Variants in ASAH1 observed in about 807,000 individuals in gnomAD.
The protein encoded by ASAH1 is N-acylsphingosine amidohydrolase 1.
ASAH1 carries 70 observed loss-of-function variants against 59.5 expected under a neutral mutation model. The observed-to-expected ratio is 1.18, with a 90% CI of 0.97 to 1.43. The LOEUF is 1.43. Ranked by LOEUF, ASAH1 falls within the 40% of genes most tolerant of loss-of-function variation. The probability of loss-of-function intolerance (pLI) is 0.00; values close to 1 mark genes in which losing one functional copy is unlikely to be tolerated. For synonymous variants in ASAH1, 213 were observed against 166.5 expected, an observed-to-expected ratio of 1.28 and a Z score of -2.15; for missense variants, 660 against 482.5, an observed-to-expected ratio of 1.37 and a Z score of -3.45.
Position 18,067,264 on chromosome 8 carries a change from T to A in ASAH1, c.338A>T (p.Glu113Val). 1.2e-6 allele frequency: 2 copies of A among 1,606,984 alleles called. No individual in the cohort carries two copies. The highest frequency in any genetic ancestry group is 1.7e-6 in the Non-Finnish European group (2 of 1,176,414). Residue 113 changes from glutamate to valine, a missense_variant, in exon 5 of 14, where the codon GAA becomes GTA. Physicochemically the swap from Glu to Val is moderately radical, Grantham distance 121 (BLOSUM62 -2). Coordinates refer to ENST00000637790, the MANE Select transcript of ASAH1 (RefSeq NM_177924.5). ...GLLGNFPGPF[E>V]EEMKGIAAVT... ...AGCGGCAATACCCTTCATTTCCTCT[T>A]CAAAAGGGCCAGGAAAGTTGCCAAG...
At chr8:18,084,797 T>G (rs1223584359), upstream of ASAH1, 1 of 1,613,208 alleles carries the variant, frequency 6.2e-7, no homozygotes, top group East Asian at 2.2e-5. Flanking sequence ...GATGCAGCAG[T>G]TCATTAAGCG....
intron 1 of ASAH1, 134 bp downstream of exon 1, chr8:18,083,847 G>A (rs1422545064): frequency 2.0e-6 from 3 of 1,505,978 alleles, no homozygotes; most frequent in South Asian, 1.3e-5. Context: ...CCCTGTGCAC[G>A]AAACCACAGA....
rs939418633 is a variant in ASAH1 at position 18,069,796 on chromosome 8, T to A, written c.299A>T (p.Lys100Ile). 6.4e-7 allele frequency: 1 copy of A among 1,566,698 alleles called. No homozygotes were observed. The highest frequency in any genetic ancestry group is 8.8e-7 in the Non-Finnish European group (1 of 1,138,052). ...GTGAGAAATAATATCTCTTACCAAT[T>A]TTTCATCCACCACCTGCATAATTTT... ...SGKIMQVVDE[K>I]LPGLLGNFPG... Residue 100 changes from lysine to isoleucine, a missense_variant, in exon 4 of 14, where the codon AAA becomes ATA. Lys to Ile is a moderately radical substitution (Grantham distance 102, BLOSUM62 -3). Coordinates refer to ENST00000637790, the MANE Select transcript of ASAH1 (RefSeq NM_177924.5).
At chr8:18,060,492 A>G (rs1207169416) in intron 10 of ASAH1, 1 of 152,334 alleles carries the variant, frequency 6.6e-6, no homozygotes, top group Admixed American at 6.5e-5. Flanking sequence ...AAGGGAAATA[A>G]TATTACAGTA....
intron 5 of ASAH1, chr8:18,066,917 C>T (rs1050646718): frequency 8.4e-6 from 3 of 358,732 alleles, no homozygotes; most frequent in African/African-American, 4.1e-5. Context: ...ACAAAGTTCA[C>T]GAAGAGGCAA....
Position 18,059,815 on chromosome 8 carries a change from A to C in ASAH1, c.786-112T>G, listed in dbSNP as rs182638015. 5 of 1,136,444 alleles carry C rather than the reference A, an allele frequency of 4.4e-6. No homozygotes were observed. The Admixed American group carries it at 9.2e-5, about 21-fold the overall frequency. 70.4% of individuals were successfully genotyped at this position (1,136,444 alleles called of 1,614,324 possible). A position where few individuals can be genotyped will look rare whatever the true frequency, so the allele number is the denominator to read the frequency against. Reference sequence around the variant, plus strand: ...TCTGGGACACATGTGCTGAACGTGCAGGTTTGTTACATAGGTACACACGTG... The same window carrying C: ...TCTGGGACACATGTGCTGAACGTGCCGGTTTGTTACATAGGTACACACGTG... On this transcript the variant is annotated intron_variant, in intron 10 of 13. Coordinates refer to ENST00000637790, the MANE Select transcript of ASAH1 (RefSeq NM_177924.5).
chr8:18,067,192 T>C (rs754660997), intron 5 of ASAH1, 28 bp downstream of exon 5: 3 of 1,479,282 alleles, frequency 2.0e-6, no homozygotes, highest in African/African-American at 1.5e-5. Flanking sequence ...AATTACTTTT[T>C]TTTTTAAAGC....
chr8:18,077,342 TCC>T (rs1445456050), intron 1 of ASAH1, among the ~76,000 whole-genome samples: 1 of 152,242 alleles, frequency 6.6e-6, no homozygotes, highest in Non-Finnish European at 1.5e-5. Context: ...TTTGCTCAAC[TCC>T]GCCTTTTTCT....
At chr8:18,071,745 G>C (rs1339950078) in intron 2 of ASAH1, among the ~76,000 whole-genome samples, 1 of 152,026 alleles carries the variant, frequency 6.6e-6, no homozygotes, top group Non-Finnish European at 1.5e-5. Context: ...TTTAGTCTGG[G>C]CTCTAGACAA....
chr8:18,068,923 G>A (rs2517365), intron 4 of ASAH1, among the ~76,000 whole-genome samples: 9,889 of 152,148 alleles, frequency 0.065, 374 homozygotes, highest in Admixed American at 0.1. Flanking sequence ...AAGATCGCCT[G>A]AGCCCAGGAG....
chr8:18,060,140 T>C (rs557023199), intron 10 of ASAH1: 1 of 176,942 alleles, frequency 5.7e-6, no homozygotes, highest in African/African-American at 2.4e-5. Flanking sequence ...AAAACAAGTA[T>C]CTAAGGAATG....
chr8:18,062,360 C>G lies in ASAH1; in HGVS notation c.567G>C (p.Leu189Phe). 6.2e-7 allele frequency: 1 copy of G among 1,614,110 alleles called. No individual in the cohort carries two copies. The highest frequency in any genetic ancestry group is 8.5e-7 in the Non-Finnish European group (1 of 1,180,016). Residue 189 changes from leucine (L) to phenylalanine (F), a missense_variant, in exon 8 of 14, where the codon TTG (leucine) becomes TTC (phenylalanine). Physicochemically the swap from Leu to Phe is conservative, Grantham distance 22. Coordinates refer to ENST00000637790, the MANE Select transcript of ASAH1 (RefSeq NM_177924.5). ...CAGTTTTGTTGTTTCTTTGGAAATC[C>G]AAATTCACTGTTAAAGGTTTTAGTT... ...TEQLKPLTVN[L>F]DFQRNNKTVF... is the part of the protein sequence containing the mutation.
In ASAH1 at chr8:18,070,125, T is replaced by C. The variant is rs35855663; in HGVS notation, c.217-247A>G. Among the ~76,000 whole-genome samples, 65,316 of 150,212 alleles carry C rather than the reference T, an allele frequency of 0.43. 14,990 individuals carry two copies. Among genetic ancestry groups the C allele is most frequent in the South Asian group, 0.53 (2,529 of 4,774 alleles). On this transcript the variant is annotated intron_variant, in intron 3 of 13. Transcript: ENST00000637790. ...CCTCCCAAGTAGCTGAGATTACAAG[T>C]GTGCATCACCATTCCCAGCTAATTT...
intron 2 of ASAH1, among the ~76,000 whole-genome samples, chr8:18,074,718 G>C (rs1430176803): frequency 6.6e-6 from 1 of 152,166 alleles, no homozygotes; most frequent in Non-Finnish European, 1.5e-5. Flanking sequence ...CCAAAATCTA[G>C]ACTAAAAATA....
chr8:18,083,927 A>C (rs1800772783), intron 1 of ASAH1, 54 bp downstream of exon 1: 2 of 1,565,656 alleles, frequency 1.3e-6, no homozygotes, highest in South Asian at 2.3e-5. Flanking sequence ...CTGCGCCTCC[A>C]TCCGCGCCCG....
chr8:18,083,687 G>A (rs1406777386), intron 1 of ASAH1, among the ~76,000 whole-genome samples: 1 of 152,222 alleles, frequency 6.6e-6, no homozygotes, highest in Non-Finnish European at 1.5e-5. Flanking sequence ...CCTGGAACTG[G>A]TTATTCAAGT....
intron 8 of ASAH1, 169 bp downstream of exon 8, chr8:18,062,110 A>T: frequency 1.1e-6 from 1 of 879,154 alleles, no homozygotes; most frequent in Non-Finnish European, 1.7e-6. Context: ...TTTCCTTTCT[A>T]CTCTTCTCTA....
chr8:18,066,524 C>A (rs1443656584), intron 5 of ASAH1: 1 of 143,052 alleles, frequency 7.0e-6, no homozygotes, highest in Non-Finnish European at 1.5e-5. Context: ...AACAAAAAGG[C>A]TCAAATAAAG....
chr8:18,074,674 A>G (rs950027492), intron 2 of ASAH1, among the ~76,000 whole-genome samples: 81 of 152,172 alleles, frequency 5.3e-4, no homozygotes, highest in African/African-American at 1.8e-3. Context: ...TGGCTTTCTC[A>G]CAGGCCCATT....
Sources: allele counts gnomAD v4.1 joint callset (sites outside exome capture counted in the v4.1 genomes callset), GRCh38; gene constraint gnomAD v4.1.1; transcripts MANE v1.5; gene names NCBI Gene and HGNC (gene_info 2026-07-23, HGNC 2026-07-21).